AMN1: variants seen among roughly 807,000 people sequenced by gnomAD.
AMN1 encodes protein AMN1 homolog.
A neutral mutation model predicts 33.0 loss-of-function variants in AMN1; 20 were observed. That is an observed-to-expected ratio of 0.61 (90% CI 0.43 to 0.88). The LOEUF (loss-of-function observed/expected upper bound fraction) is 0.88. Ranked by LOEUF, AMN1 falls within the 40% of genes least tolerant of loss-of-function variation. AMN1 has a pLI of 0.00. For synonymous variants in AMN1, 114 were observed against 111.9 expected (o/e 1.02, Z -0.12); for missense variants, 246 against 307.4 (o/e 0.80, Z 1.49).
chr12:31,691,401 A>T (rs1403837092), intron 5 of AMN1, among the ~76,000 whole-genome samples: 1 of 152,088 alleles, frequency 6.6e-6, no homozygotes, highest in African/African-American at 2.4e-5. Flanking sequence ...AGGACCAGAG[A>T]CAAAAAAACA....
chr12:31,704,169 A>T (rs1262251522), intron 2 of AMN1, among the ~76,000 whole-genome samples: 2 of 152,188 alleles, frequency 1.3e-5, no homozygotes, highest in Non-Finnish European at 2.9e-5. Context: ...AGGTTTTTTT[A>T]AATCAATTTA....
Position 31,689,102 on chromosome 12 carries a change from T to C in AMN1, c.608A>G (p.His203Arg). The C allele has an allele frequency of 6.2e-7, 1 of 1,611,210 alleles. No homozygotes were observed. Among genetic ancestry groups the C allele is most frequent in the Non-Finnish European group, 8.5e-7 (1 of 1,178,002 alleles). The change falls in exon 6 of 7, where the codon CAT (histidine) becomes CGT (arginine). Residue 203 changes from histidine (H) to arginine (R), a missense_variant. His to Arg is a conservative substitution (Grantham distance 29, BLOSUM62 0). Transcript: ENST00000281471. The stretch of plus-strand genomic sequence containing the variant: ...AGCCCCATCAGTCAGATTTACACAA[T>C]GTCCCATATGAATCTCCTATGCAAA... The part of the protein sequence containing the change: ...AKKLEEIHMG[H>R]CVNLTDGAVE...
intron 2 of AMN1, among the ~76,000 whole-genome samples, chr12:31,703,619 G>C (rs926645951): frequency 6.6e-6 from 1 of 152,120 alleles, no homozygotes; most frequent in Non-Finnish European, 1.5e-5. Flanking sequence ...TTGCTGTAAA[G>C]GACATGATTT....
intron 4 of AMN1, 24 bp from the exon 5 acceptor site, chr12:31,697,441 C>T: frequency 6.2e-7 from 1 of 1,609,674 alleles, no homozygotes; most frequent in Non-Finnish European, 8.5e-7. Flanking sequence ...AAAAGAAACA[C>T]AGTCCATGAA....
At chr12:31,690,719 C>G (rs1938464598) in intron 5 of AMN1, among the ~76,000 whole-genome samples, 1 of 152,162 alleles carries the variant, frequency 6.6e-6, no homozygotes, top group Admixed American at 6.5e-5. Context: ...TCTGTTTACT[C>G]TGCTGACTAT....
intron 1 of AMN1, among the ~76,000 whole-genome samples, chr12:31,728,192 A>C (rs1348338299): frequency 6.6e-6 from 1 of 152,200 alleles, no homozygotes; most frequent in Non-Finnish European, 1.5e-5. Flanking sequence ...TGTTCTCCTT[A>C]TCCTTAAGAT....
chr12:31,672,662 T>G lies in AMN1; in HGVS notation c.704-285A>C, dbSNP rs145570816. 18 of 281,426 alleles carry G rather than the reference T, an allele frequency of 6.4e-5. No homozygotes were observed. The East Asian group carries it at 1.3e-3, about 21-fold the overall frequency. 17.4% of individuals were successfully genotyped at this position (281,426 alleles called of 1,614,324 possible). A position where few individuals can be genotyped will look rare whatever the true frequency, so the allele number is the denominator to read the frequency against. On this transcript the variant is annotated intron_variant, in intron 6 of 6. Coordinates refer to ENST00000281471, the MANE Select transcript of AMN1 (RefSeq NM_001113402.2). ...ATCATAATTCCACCAACCAGAGTAA[T>G]GGTCTAATTTCACCATTAACCTGTG...
At chr12:31,717,116 C>A (rs1242379959) in intron 1 of AMN1, among the ~76,000 whole-genome samples, 3 of 152,218 alleles carry the variant, frequency 2.0e-5, no homozygotes, top group Middle Eastern at 3.4e-3. Context: ...TTGCTCCCCC[C>A]AACCACAGGC....
chr12:31,677,355 G>A (rs1208130660), intron 6 of AMN1, among the ~76,000 whole-genome samples: 1 of 152,106 alleles, frequency 6.6e-6, no homozygotes, highest in East Asian at 1.9e-4. Context: ...AAGGGCTAAC[G>A]GGTCATTTAT....
chr12:31,719,183 C>T (rs1057485985), intron 1 of AMN1: 2 of 211,548 alleles, frequency 9.5e-6, no homozygotes, highest in Non-Finnish European at 1.6e-5. Context: ...GCTGCAGTCA[C>T]TGTTCAACCA....
intron 1 of AMN1, among the ~76,000 whole-genome samples, chr12:31,710,228 T>C (rs1267377278): frequency 6.6e-6 from 1 of 152,192 alleles, no homozygotes; most frequent in Non-Finnish European, 1.5e-5. Context: ...AGGCAGAAAG[T>C]AGAGTTATCA....
intron 6 of AMN1, among the ~76,000 whole-genome samples, chr12:31,681,195 G>A (rs1937994814): frequency 6.6e-6 from 1 of 152,000 alleles, no homozygotes; most frequent in African/African-American, 2.4e-5. Context: ...ATGACTCAAG[G>A]TAGAATATAT....
In AMN1 at chr12:31,710,430, A is replaced by G. The variant is rs575379253; in HGVS notation, c.39-1005T>C. 3.9e-5 allele frequency among the ~76,000 whole-genome samples: 6 copies of G among 152,196 alleles called. No homozygotes were observed. In the South Asian group the frequency reaches 1.2e-3, roughly 32 times the overall value. On this transcript the variant is annotated intron_variant, in intron 1 of 6. Transcript: ENST00000281471. ...TACCTGTGATTAATTTTTTAGTGCA[A>G]TGTTAATTTTTTCTTTTTCCTCTTT...
In AMN1 at chr12:31,719,939, G is replaced by A. The variant is rs74085194; in HGVS notation, c.38+9032C>T. On this transcript the variant is annotated intron_variant, in intron 1 of 6. Transcript: ENST00000281471. ...GCAATTTATTCAAGTGGTTGCATGCGGCCACAGTTCATTTCGTTCTCAATA... is the reference window on the plus strand; with the variant it reads ...GCAATTTATTCAAGTGGTTGCATGCAGCCACAGTTCATTTCGTTCTCAATA... 8.4e-3 allele frequency among the ~76,000 whole-genome samples: 1,273 copies of A among 152,148 alleles called. 18 individuals carry two copies. The highest frequency in any genetic ancestry group is 0.029 in the African/African-American group (1,198 of 41,514).
At chr12:31,708,308 T>C (rs1939329786) in intron 2 of AMN1, among the ~76,000 whole-genome samples, 1 of 152,080 alleles carries the variant, frequency 6.6e-6, no homozygotes, top group African/African-American at 2.4e-5. Flanking sequence ...TCTGGGAGTG[T>C]CTGTCCTATG....
intron 5 of AMN1, among the ~76,000 whole-genome samples, chr12:31,691,864 T>C (rs1442703682): frequency 6.6e-6 from 1 of 152,032 alleles, no homozygotes; most frequent in Admixed American, 6.6e-5. Context: ...TGTAACATTA[T>C]TTTATTTTAT....
At chr12:31,712,517 A>T (rs1939508206) in intron 1 of AMN1, among the ~76,000 whole-genome samples, 1 of 152,166 alleles carries the variant, frequency 6.6e-6, no homozygotes, top group African/African-American at 2.4e-5. Context: ...AAGTGTTGGG[A>T]ATACAGGCAT....
At chr12:31,726,427 C>T (rs755743956) in intron 1 of AMN1, among the ~76,000 whole-genome samples, 1 of 152,220 alleles carries the variant, frequency 6.6e-6, no homozygotes, top group Non-Finnish European at 1.5e-5. Flanking sequence ...TTCCAAAGTG[C>T]TGGGGTTACA....
intron 5 of AMN1, 27 bp downstream of exon 5, chr12:31,697,334 C>T: frequency 3.1e-6 from 5 of 1,589,804 alleles, no homozygotes; most frequent in Non-Finnish European, 4.3e-6. Context: ...TTAATCACCA[C>T]CATCTTTATA....
Sources: allele counts gnomAD v4.1 joint callset (sites outside exome capture counted in the v4.1 genomes callset), GRCh38; gene constraint gnomAD v4.1.1; transcripts MANE v1.5; gene names NCBI Gene and HGNC (gene_info 2026-07-23, HGNC 2026-07-21).